Variants in ZSCAN18 observed in about 807,000 individuals in gnomAD.
ZSCAN18 encodes the protein zinc finger and SCAN domain-containing protein 18.
A neutral mutation model predicts 31.1 loss-of-function variants in ZSCAN18; 16 were observed. That is an observed-to-expected ratio of 0.51 (90% CI 0.35 to 0.78). The LOEUF (loss-of-function observed/expected upper bound fraction) is 0.78. Ranked by LOEUF, ZSCAN18 falls within the 30% of genes least tolerant of loss-of-function variation. The pLI, the probability that ZSCAN18 is intolerant of heterozygous loss-of-function variation, is 0.01. For synonymous variants in ZSCAN18, 375 were observed against 320.7 expected (o/e 1.17, Z -1.81); for missense variants, 731 against 697.4 (o/e 1.05, Z -0.54).
chr19:58,117,455 G>A (rs1415897964), intron 1 of ZSCAN18, among the ~76,000 whole-genome samples: 3 of 152,112 alleles, frequency 2.0e-5, no homozygotes, highest in Non-Finnish European at 4.4e-5. Context: ...ACAGTGGGTA[G>A]GAAGGGGAAG....
rs149394316 is a variant in ZSCAN18, at chr19:58,112,119, C to T, written c.130+6148G>A. ...GTGCAATCATGGCTCCCTGAAGCCT[C>T]GACTGCCCTGGGGTAAGGTGATCCT... is the stretch of plus-strand genomic sequence containing the variant. On this transcript the variant is annotated intron_variant, in intron 1 of 1. Coordinates refer to the ZSCAN18 transcript ENST00000595721. 4.6e-3 allele frequency among the ~76,000 whole-genome samples: 701 copies of T among 152,196 alleles called. 9 individuals carry two copies. The highest frequency in any genetic ancestry group is 0.015 in the African/African-American group (637 of 41,546).
intron 1 of ZSCAN18, among the ~76,000 whole-genome samples, chr19:58,114,333 G>T (rs1027841318): frequency 1.3e-5 from 2 of 152,138 alleles, no homozygotes; most frequent in Admixed American, 1.3e-4. Context: ...AAAAGGATGG[G>T]TTATCACATG....
intron 2 of ZSCAN18, 91 bp from the exon 3 acceptor site, chr19:58,088,928 C>T: frequency 1.5e-6 from 2 of 1,303,406 alleles, no homozygotes; most frequent in Non-Finnish European, 2.1e-6. Flanking sequence ...CTGCAGGCTC[C>T]AGGGCCACAT....
rs567093703 is a variant in ZSCAN18 at position 58,113,496 on chromosome 19, A to G, written c.130+4771T>C. Among the ~76,000 whole-genome samples the G allele has an allele frequency of 3.3e-5, 5 of 152,306 alleles. No individual in the cohort carries two copies. The East Asian group carries it at 9.6e-4, about 29-fold the overall frequency. On this transcript the variant is annotated intron_variant, in intron 1 of 1. Coordinates refer to the ZSCAN18 transcript ENST00000595721. ...GGTGAAGTTTTCACAACAGCTCACC[A>G]GGAATTTCTTTGTGGGCAAAATATG...
Position 58,085,449 on chromosome 19 carries a change from C to CT in ZSCAN18, c.839-71dup, listed in dbSNP as rs1393605136. On this transcript the variant is annotated intron_variant, in intron 6 of 6. Transcript: ENST00000601144. The stretch of plus-strand genomic sequence containing the variant: ...CAGGGAGAGGAGGACCCAGCCGAGC[C>CT]TCAGCTGCCGGAACAGCGCACAGGG... 3.6e-6 allele frequency: 5 copies of CT among 1,382,200 alleles called. No individual in the cohort carries two copies. The African/African-American group carries it at 7.3e-5, about 20-fold the overall frequency. The allele number at this position is 1,382,200 out of a possible 1,614,324, so 85.6% of individuals were successfully genotyped here.
intron 6 of ZSCAN18, chr19:58,085,801 CAGCGACAAGCCCCCT>C (rs747155949): frequency 9.5e-6 from 3 of 317,424 alleles, no homozygotes; most frequent in Non-Finnish European, 1.8e-5. Context: ...CCAAACCCCC[CAGCGACAAGCCCCCT>C]GGCGACAGGC....
At chr19:58,087,244 A>T in intron 4 of ZSCAN18, 72 bp downstream of exon 4, 1 of 1,449,584 alleles carries the variant, frequency 6.9e-7, no homozygotes, top group South Asian at 1.2e-5. Flanking sequence ...TCTGCTGAGC[A>T]CTGGTGATGG....
In ZSCAN18 at chr19:58,090,078, G is replaced by A; in HGVS notation, c.190C>T (p.His64Tyr). The change falls in exon 2 of 7, where the codon CAC becomes TAC. Residue 64 changes from histidine to tyrosine, a missense_variant. By Grantham distance (83) the His-to-Tyr change is moderately conservative. Transcript: ENST00000601144. The surrounding 1 kb of genome is among the most constrained non-coding windows in gnomAD (Gnocchi z 4.7). ...TCATGCAGCCGGGCCAGGGTCTGGT[G>A]GGGCCCGGCAGCCTCCTGGTAGACA... The part of the protein sequence containing the change: ...EFVYQEAAGP[H>Y]QTLARLHELC... 4 of 1,613,812 alleles carry A rather than the reference G, an allele frequency of 2.5e-6. No individual in the cohort carries two copies. Among genetic ancestry groups the A allele is most frequent in the Non-Finnish European group, 3.4e-6 (4 of 1,179,920 alleles).
upstream of ZSCAN18, among the ~76,000 whole-genome samples, chr19:58,099,164 A>G (rs1313833473): frequency 6.6e-6 from 1 of 152,110 alleles, no homozygotes; most frequent in Non-Finnish European, 1.5e-5. Flanking sequence ...ACATTTTGGT[A>G]TTCAGTTTTA....
chr19:58,089,783 G>A (rs1047926439), intron 2 of ZSCAN18, 82 bp downstream of exon 2: 13 of 1,498,008 alleles, frequency 8.7e-6, no homozygotes, highest in Admixed American at 8.5e-5. Context: ...ACTATCTCAG[G>A]CAAGCCATGG....
Position 58,085,202 on chromosome 19 carries a change from T to TG in ZSCAN18, c.1015dup (p.Gln339ProfsTer49). 6.2e-7 allele frequency: 1 copy of TG among 1,609,568 alleles called. No homozygotes were observed. Among genetic ancestry groups the TG allele is most frequent in the Non-Finnish European group, 8.5e-7 (1 of 1,179,398 alleles). On this transcript the variant is annotated frameshift_variant, in exon 7 of 7. Transcript: ENST00000601144. LOFTEE classifies it low-confidence loss of function (END_TRUNC). ...GGTGGCAGAGTCGGACTCCGCGTCC[T>TG]GGGGGTCCTGCGGGTCCGGGGCCTT...
chr19:58,116,359 G>C (rs532681852), intron 1 of ZSCAN18, among the ~76,000 whole-genome samples: 1 of 151,388 alleles, frequency 6.6e-6, no homozygotes, highest in Non-Finnish European at 1.5e-5. Flanking sequence ...TACTGAACAC[G>C]TACTGTATGC....
At chr19:58,118,292 C>T (rs1312273256) in exon 1 of ZSCAN18, 2 of 1,505,288 alleles carry the variant, frequency 1.3e-6, no homozygotes, top group Non-Finnish European at 1.8e-6. Context: ...GCTCCGCGAC[C>T]GGTGGGCGGG....
chr19:58,093,675 T>C (rs1419640008), intron 1 of ZSCAN18, among the ~76,000 whole-genome samples: 1 of 152,220 alleles, frequency 6.6e-6, no homozygotes, highest in Admixed American at 6.5e-5. Flanking sequence ...TCTGGCTCTA[T>C]CTTGCTACTG....
chr19:58,109,201 A>G, intron 1 of ZSCAN18: 3 of 1,231,614 alleles, frequency 2.4e-6, no homozygotes, highest in Non-Finnish European at 3.0e-6. Flanking sequence ...TGCAGATAAA[A>G]CAGGAATCAT....
chr19:58,112,358 A>C (rs769072000), intron 1 of ZSCAN18, among the ~76,000 whole-genome samples: 1 of 152,136 alleles, frequency 6.6e-6, no homozygotes, highest in Non-Finnish European at 1.5e-5. Flanking sequence ...ATGATTAAAA[A>C]ACATACTCAA....
chr19:58,087,322 G>C lies in ZSCAN18; in HGVS notation c.636C>G (p.Thr212=). Residue 212 remains threonine (T), a synonymous_variant, in exon 4 of 7, where the codon ACC becomes ACG. Coordinates refer to ENST00000601144, the MANE Select transcript of ZSCAN18 (RefSeq NM_001145543.2). ...CCTGCTCGTGCCCACCCACCTGCTC[G>C]GTGTTGGCAGGGCCGTCCTCTTCGG... ...AKTEEDGPAN[T]EQKLKSFPED... The C allele has an allele frequency of 6.2e-6, 10 of 1,605,248 alleles. No individual in the cohort carries two copies. Among genetic ancestry groups the C allele is most frequent in the Non-Finnish European group, 8.5e-6 (10 of 1,175,860 alleles).
rs754818331 is a variant in ZSCAN18, at chr19:58,085,364, T to C, written c.854A>G (p.Gln285Arg). 5 of 1,590,330 alleles carry C rather than the reference T, an allele frequency of 3.1e-6. No homozygotes were observed. The highest frequency in any genetic ancestry group is 4.2e-6 in the Non-Finnish European group (5 of 1,176,742). Residue 285 changes from glutamine (Q) to arginine (R), a missense_variant, in exon 7 of 7, where the codon CAG (glutamine) becomes CGG (arginine). Physicochemically the swap from Gln to Arg is conservative, Grantham distance 43. Coordinates refer to ENST00000601144, the MANE Select transcript of ZSCAN18 (RefSeq NM_001145543.2). ...GSSLPEGGRR[Q>R]ESAGCACEEA... is the part of the protein sequence containing the mutation. ...CTCGCAGGCGCACCCAGCGCTCTCC[T>C]GCCGCCTCCCGCCTTCTGGAACAAG...
At chr19:58,101,662 G>A (rs1275880429), upstream of ZSCAN18, among the ~76,000 whole-genome samples, 1 of 151,540 alleles carries the variant, frequency 6.6e-6, no homozygotes, top group East Asian at 1.9e-4. Flanking sequence ...TGGGATTACA[G>A]GTATGTGCTA....
Sources: gnomAD v4.1 joint callset for allele counts (sites outside exome capture counted in the v4.1 genomes callset) on GRCh38, gnomAD v4.1.1 for gene constraint, Gnocchi (gnomAD v3.1) non-coding constraint, MANE v1.5 for transcripts, NCBI Gene and HGNC (gene_info 2026-07-23, HGNC 2026-07-21) for gene names.